PCNT: variants seen among roughly 807,000 people sequenced by gnomAD.
PCNT encodes kendrin.
A neutral mutation model predicts 380.4 loss-of-function variants in PCNT; 319 were observed. That is an observed-to-expected ratio of 0.84 (90% CI 0.77 to 0.92). The LOEUF is 0.92. PCNT is among the 40% of genes least tolerant of loss of function. PCNT has a pLI of 0.00. For missense variants in PCNT, 4,400 were observed against 4,255.3 expected, an observed-to-expected ratio of 1.03 and a Z score of -0.95; for synonymous variants, 1,845 against 1,735.2, an observed-to-expected ratio of 1.06 and a Z score of -1.57.
In PCNT at chr21:46,324,206, G is replaced by C. The variant is rs745854779; in HGVS notation, c.-23G>C. ...TGTGTCAGCCCCGTCACCGCCGGGC[G>C]GCCCGCGCGGAGTCTGAGGGAGATG... On this transcript the variant is annotated 5_prime_UTR_variant, in exon 1 of 47. Transcript: ENST00000359568. 1 of 1,604,932 alleles carries C rather than the reference G, an allele frequency of 6.2e-7. No individual in the cohort carries two copies. Among genetic ancestry groups the C allele is most frequent in the Non-Finnish European group, 8.5e-7 (1 of 1,175,236 alleles).
intron 21 of PCNT, among the ~76,000 whole-genome samples, chr21:46,392,280 C>T (rs1183819582): frequency 2.0e-4 from 31 of 151,912 alleles, no homozygotes; most frequent in Non-Finnish European, 1.5e-5. Flanking sequence ...AGTGTAGTGG[C>T]GTGATCTCAG....
chr21:46,332,918 T>C (rs189247487), intron 2 of PCNT, among the ~76,000 whole-genome samples: 1 of 152,096 alleles, frequency 6.6e-6, no homozygotes, highest in Non-Finnish European at 1.5e-5. Context: ...AGGCCAGCTT[T>C]GGAACATAAT....
intron 19 of PCNT, among the ~76,000 whole-genome samples, 200 bp downstream of exon 19, chr21:46,389,631 A>G (rs186633222): frequency 1.3e-5 from 2 of 152,400 alleles, no homozygotes; most frequent in East Asian, 3.9e-4. Flanking sequence ...GATAATAAAC[A>G]GGCCCATTTT....
chr21:46,401,869 A>G (rs2086440614), intron 26 of PCNT, 148 bp downstream of exon 26: 11 of 832,866 alleles, frequency 1.3e-5, no homozygotes, highest in Non-Finnish European at 2.1e-5. Flanking sequence ...TTGTTGTTTG[A>G]GACAGAGTTT....
In PCNT at chr21:46,326,317, G is replaced by T. The variant is rs904867415; in HGVS notation, c.55-60G>T. On this transcript the variant is annotated intron_variant, in intron 1 of 46. Coordinates refer to ENST00000359568, the MANE Select transcript of PCNT (RefSeq NM_006031.6). Reference sequence around the variant, plus strand: ...TCCCCACCAGTCTGTTGACTTTGTGGTTCTGTTATTTTTTTCTCACTTACC... The same window carrying T: ...TCCCCACCAGTCTGTTGACTTTGTGTTTCTGTTATTTTTTTCTCACTTACC... The T allele has an allele frequency of 7.8e-6, 12 of 1,531,946 alleles. No homozygotes were observed. In the Admixed American group the frequency reaches 1.7e-4, roughly 22 times the overall value. 94.9% of individuals were successfully genotyped at this position (1,531,946 alleles called of 1,614,324 possible). A position where few individuals can be genotyped will look rare whatever the true frequency, so the allele number is the denominator to read the frequency against.
intron 27 of PCNT, among the ~76,000 whole-genome samples, chr21:46,409,190 C>T (rs1272243762): frequency 3.2e-5 from 4 of 123,970 alleles, no homozygotes; most frequent in East Asian, 2.4e-4. Flanking sequence ...AAACTTTTTA[C>T]TTTTTTTTTT....
rs764858984 is a variant in PCNT at position 46,394,226 on chromosome 21, C to T, written c.4216+2850C>T. ...CTGGTGTGCAGCGGCCCTGCCTCGC[C>T]GTGTTGCGTGACGCCCCCTTCGCTG... On this transcript the variant is annotated intron_variant, in intron 21 of 46. Coordinates refer to ENST00000359568, the MANE Select transcript of PCNT (RefSeq NM_006031.6). Among the ~76,000 whole-genome samples, 7 of 152,348 alleles carry T rather than the reference C, an allele frequency of 4.6e-5. No individual in the cohort carries two copies. The East Asian group carries it at 5.8e-4, about 13-fold the overall frequency.
Position 46,431,655 on chromosome 21 carries a change from G to C in PCNT, c.8191G>C (p.Ala2731Pro). ...ELRIEHSRCE[A>P]LLAQERSQLS... is the part of the protein sequence containing the mutation. ...GCGTATCGAGCACTCACGCTGCGAG[G>C]CCTTGCTGGCTCAGGAGCGGAGCCA... Residue 2731 changes from alanine (A) to proline (P), a missense_variant, in exon 38 of 47, where the codon GCC becomes CCC. Ala to Pro is a conservative substitution (Grantham distance 27). Transcript: ENST00000359568. 6.2e-7 allele frequency: 1 copy of C among 1,613,706 alleles called. No individual in the cohort carries two copies. Among genetic ancestry groups the C allele is most frequent in the Non-Finnish European group, 8.5e-7 (1 of 1,179,888 alleles).
chr21:46,440,501 C>T (rs181319432), intron 42 of PCNT, among the ~76,000 whole-genome samples: 3 of 152,246 alleles, frequency 2.0e-5, no homozygotes, highest in Admixed American at 6.5e-5. Context: ...GGATTCGGCC[C>T]AAGATCTGCT....
intron 44 of PCNT, among the ~76,000 whole-genome samples, chr21:46,443,571 A>AC (rs2053668699): frequency 6.6e-6 from 1 of 151,126 alleles, no homozygotes; most frequent in Non-Finnish European, 1.5e-5. Flanking sequence ...AGGTCTTGAG[A>AC]CCCCCCTGCC....
chr21:46,349,717 C>T lies in PCNT; in HGVS notation c.1241C>T (p.Ala414Val), dbSNP rs2084199246. 1.9e-6 allele frequency: 3 copies of T among 1,613,922 alleles called. No individual in the cohort carries two copies. The highest frequency in any genetic ancestry group is 3.3e-5 in the Admixed American group (2 of 60,020). ...AGGAACCTGGAGAGTCATCATCAAG[C>T]AGCCATTGAGAAGTTACGTGAAGAC... ...ALRNLESHHQ[A>V]AIEKLREDLQ... The change falls in exon 8 of 47, where the codon GCA (alanine) becomes GTA (valine). Residue 414 changes from alanine to valine, a missense_variant. Coordinates refer to ENST00000359568, the MANE Select transcript of PCNT (RefSeq NM_006031.6).
intron 28 of PCNT, 116 bp downstream of exon 28, chr21:46,412,183 C>G: frequency 8.0e-7 from 1 of 1,250,940 alleles, no homozygotes; most frequent in Non-Finnish European, 1.1e-6. Flanking sequence ...CATGGTGGCT[C>G]ATGACACAGC....
chr21:46,399,637 T>C lies in PCNT; in HGVS notation c.4632T>C (p.Asn1544=), dbSNP rs1277263327. Residue 1544 remains asparagine (N), a synonymous_variant, in exon 25 of 47, where the codon AAT becomes AAC. Transcript: ENST00000359568. The part of the protein sequence containing the change: ...QKLREKLDEF[N]ELAIQKESAD... Reference sequence around the variant, plus strand: ...TGAGAGAAAAGTTGGATGAATTTAATGAATTGGCTATACAGAAAGAGTCGG... The same window carrying C: ...TGAGAGAAAAGTTGGATGAATTTAACGAATTGGCTATACAGAAAGAGTCGG... 2 of 1,613,902 alleles carry C rather than the reference T, an allele frequency of 1.2e-6. No individual in the cohort carries two copies. The highest frequency in any genetic ancestry group is 1.7e-6 in the Non-Finnish European group (2 of 1,179,882).
At chr21:46,362,667 A>C (rs905888573) in intron 13 of PCNT, among the ~76,000 whole-genome samples, 20 of 152,054 alleles carry the variant, frequency 1.3e-4, no homozygotes, top group Admixed American at 1.3e-3. Flanking sequence ...GAAGTCAGGC[A>C]TGGTGGCTCA....
intron 21 of PCNT, among the ~76,000 whole-genome samples, chr21:46,393,307 C>T (rs2086097059): frequency 6.6e-6 from 1 of 152,342 alleles, no homozygotes; most frequent in East Asian, 1.9e-4. Flanking sequence ...TCCTGCATCT[C>T]CTCAGGATTT....
rs2087774549 is a variant in PCNT, at chr21:46,431,780, C to T, written c.8316C>T (p.Ser2772=). 2 of 1,613,222 alleles carry T rather than the reference C, an allele frequency of 1.2e-6. No individual in the cohort carries two copies. The highest frequency in any genetic ancestry group is 2.7e-5 in the African/African-American group (2 of 75,042). ...AGCGGCTCCTGACCGAGCAGCTGAGCCAGAGGACACAGGAGGCTTGCGTGC... is the reference window on the plus strand; with the variant it reads ...AGCGGCTCCTGACCGAGCAGCTGAGTCAGAGGACACAGGAGGCTTGCGTGC... The part of the protein sequence containing the change: ...RHERLLTEQL[S]QRTQEACVHQ... Residue 2772 remains serine, a synonymous_variant, in exon 38 of 47, where the codon AGC becomes AGT. Transcript: ENST00000359568.
At chr21:46,377,716 C>T (rs2085374831) in intron 15 of PCNT, among the ~76,000 whole-genome samples, 1 of 152,048 alleles carries the variant, frequency 6.6e-6, no homozygotes. Context: ...GGCATGTTGG[C>T]GTGCCCATAT....
chr21:46,431,432 G>A, intron 37 of PCNT, 97 bp from the exon 38 acceptor site: 1 of 1,597,892 alleles, frequency 6.3e-7, no homozygotes, highest in East Asian at 2.2e-5. Flanking sequence ...AGGTAGAATT[G>A]CTGGGCTAAA....
At chr21:46,365,826 G>A (rs565973788) in intron 14 of PCNT, among the ~76,000 whole-genome samples, 5 of 137,976 alleles carry the variant, frequency 3.6e-5, no homozygotes, top group South Asian at 2.4e-4. Context: ...ATTCACTGCC[G>A]TGGGGTTCCG....
Sources: allele counts gnomAD v4.1 joint callset (sites outside exome capture counted in the v4.1 genomes callset), GRCh38; gene constraint gnomAD v4.1.1; transcripts MANE v1.5; gene names NCBI Gene and HGNC (gene_info 2026-07-23, HGNC 2026-07-21).